Variants in LRP1B observed in about 807,000 individuals in gnomAD.
The protein encoded by LRP1B is LDL receptor related protein 1B.
In LRP1B, 217 loss-of-function variants were observed where a neutral mutation model predicts 556.6. The ratio of observed to expected loss-of-function variants is 0.39; its 90% CI spans 0.35 to 0.44. LRP1B has a LOEUF of 0.44. Ranked by LOEUF, LRP1B falls within the 20% of genes least tolerant of loss-of-function variation. The pLI is 1.00. For missense variants in LRP1B, 5,053 were observed against 5,620.8 expected, an observed-to-expected ratio of 0.90 and a Z score of 3.23; for synonymous variants, 2,047 against 1,865.8, an observed-to-expected ratio of 1.10 and a Z score of -2.50.
chr2:141,514,748 T>C (rs1284740552), intron 2 of LRP1B, among the ~76,000 whole-genome samples: 4 of 152,234 alleles, frequency 2.6e-5, no homozygotes, highest in Non-Finnish European at 5.9e-5. Context: ...AACACTTACG[T>C]TAGCCTACAG....
At chr2:142,068,149 A>G (rs1299039898) in intron 1 of LRP1B, among the ~76,000 whole-genome samples, 1 of 151,442 alleles carries the variant, frequency 6.6e-6, no homozygotes. Flanking sequence ...ATAAAACAGA[A>G]TCTCCAAAAT....
chr2:141,974,550 T>C (rs1412549692), intron 1 of LRP1B, among the ~76,000 whole-genome samples: 1 of 151,996 alleles, frequency 6.6e-6, no homozygotes, highest in Non-Finnish European at 1.5e-5. Flanking sequence ...GAGAAACTAG[T>C]TTGGGGCCTG....
At chr2:140,434,740 G>C (rs1378683708) in intron 66 of LRP1B, among the ~76,000 whole-genome samples, 1 of 152,032 alleles carries the variant, frequency 6.6e-6, no homozygotes, top group African/African-American at 2.4e-5. Context: ...ATACCCCTCT[G>C]TTTAGTATAC....
intron 1 of LRP1B, among the ~76,000 whole-genome samples, chr2:142,120,116 T>C (rs72851495): frequency 3.7e-3 from 6 of 1,630 alleles, no homozygotes; most frequent in African/African-American, 7.2e-3. Context: ...TACAGGTTTT[T>C]TTGTTTGTTT....
intron 55 of LRP1B, among the ~76,000 whole-genome samples, chr2:140,497,444 T>C (rs1260204127): frequency 1.3e-5 from 2 of 151,906 alleles, no homozygotes; most frequent in East Asian, 1.9e-4. Flanking sequence ...CCATTAACTG[T>C]ACACATAAAA....
At chr2:141,104,787 A>G (rs1351734025) in intron 7 of LRP1B, among the ~76,000 whole-genome samples, 1 of 151,968 alleles carries the variant, frequency 6.6e-6, no homozygotes, top group East Asian at 1.9e-4. Context: ...CAGATTTGAT[A>G]TATTCTCCCC....
intron 1 of LRP1B, among the ~76,000 whole-genome samples, chr2:142,045,661 G>T (rs566925909): frequency 6.6e-6 from 1 of 151,486 alleles, no homozygotes; most frequent in Non-Finnish European, 1.5e-5. Flanking sequence ...ATATTTAATC[G>T]GTCATGCGTA....
intron 35 of LRP1B, among the ~76,000 whole-genome samples, chr2:140,750,426 C>A (rs891643732): frequency 5.0e-5 from 7 of 139,286 alleles, no homozygotes; most frequent in East Asian, 2.2e-4. Flanking sequence ...ATAATGATTT[C>A]TTTTTATATT....
intron 1 of LRP1B, among the ~76,000 whole-genome samples, chr2:141,860,015 CAG>C (rs1173913948): frequency 6.6e-6 from 1 of 152,072 alleles, no homozygotes; most frequent in African/African-American, 2.4e-5. Flanking sequence ...AAAAAACAAA[CAG>C]AAAATGTTAT....
At chr2:140,495,320 T>A (rs1232483481) in intron 56 of LRP1B, among the ~76,000 whole-genome samples, 1 of 151,834 alleles carries the variant, frequency 6.6e-6, no homozygotes, top group Non-Finnish European at 1.5e-5. Flanking sequence ...GTTCTTTTTT[T>A]TTTTTTTTTT....
chr2:140,386,334 G>A (rs926107117), intron 66 of LRP1B, among the ~76,000 whole-genome samples: 13 of 152,300 alleles, frequency 8.5e-5, no homozygotes, highest in Admixed American at 6.5e-4. Context: ...AGCACTTCGG[G>A]AGGTTGTCCT....
intron 2 of LRP1B, among the ~76,000 whole-genome samples, chr2:141,710,629 A>G (rs1416396123): frequency 6.6e-6 from 1 of 152,196 alleles, no homozygotes; most frequent in African/African-American, 2.4e-5. Context: ...TAGAGGAAGT[A>G]CTAATGATTT....
At chr2:141,559,712 T>C (rs1489725967) in intron 2 of LRP1B, among the ~76,000 whole-genome samples, 2 of 151,702 alleles carry the variant, frequency 1.3e-5, no homozygotes, top group Admixed American at 6.6e-5. Context: ...ACAGCTTTTA[T>C]TGATCATGAG....
Position 141,186,078 on chromosome 2 carries a change from C to CAAAAAAA in LRP1B, c.1013+2336_1013+2342dup, listed in dbSNP as rs386391364. On this transcript the variant is annotated intron_variant, in intron 7 of 90. Coordinates refer to ENST00000389484, the MANE Select transcript of LRP1B (RefSeq NM_018557.3). ...TGAGCGATAGAACGAGACTCTGTCT[C>CAAAAAAA]AAAAAAAAAAAAAAAAAAAAACCAG... Among the ~76,000 whole-genome samples, 55 of 77,578 alleles carry CAAAAAAA rather than the reference C, an allele frequency of 7.1e-4. 2 individuals are homozygous for CAAAAAAA. The highest frequency in any genetic ancestry group is 5.7e-3 in the Admixed American group (30 of 5,300). 50.9% of individuals were successfully genotyped at this position (77,578 alleles called of 152,430 possible).
At chr2:141,730,887 T>C (rs571058340) in intron 2 of LRP1B, among the ~76,000 whole-genome samples, 11 of 152,300 alleles carry the variant, frequency 7.2e-5, no homozygotes, top group African/African-American at 2.6e-4. Context: ...CACAGTTTCC[T>C]GTGTATAAAG....
intron 32 of LRP1B, among the ~76,000 whole-genome samples, chr2:140,788,922 A>G (rs1307304243): frequency 6.6e-6 from 1 of 152,216 alleles, no homozygotes; most frequent in Non-Finnish European, 1.5e-5. Context: ...GTACACACAG[A>G]AAAGACTGTG....
intron 18 of LRP1B, among the ~76,000 whole-genome samples, chr2:140,964,740 G>C (rs1464684740): frequency 6.6e-6 from 1 of 152,030 alleles, no homozygotes; most frequent in Non-Finnish European, 1.5e-5. Context: ...TCATATCTAA[G>C]ATCTATATCT....
At chr2:140,751,933 G>A (rs150771426) in intron 35 of LRP1B, among the ~76,000 whole-genome samples, 2 of 152,084 alleles carry the variant, frequency 1.3e-5, no homozygotes, top group Non-Finnish European at 2.9e-5. Context: ...ATATATATAC[G>A]CAGTACAATA....
At chr2:140,701,901 C>T (rs2105427038) in intron 39 of LRP1B, 56 bp from the exon 40 acceptor site, 1 of 1,604,886 alleles carries the variant, frequency 6.2e-7, no homozygotes, top group South Asian at 1.1e-5. Flanking sequence ...AAAGTCAAGC[C>T]AGTTACTTAA....
Sources: gnomAD v4.1 joint callset for allele counts (sites outside exome capture counted in the v4.1 genomes callset) on GRCh38, gnomAD v4.1.1 for gene constraint, MANE v1.5 for transcripts, NCBI Gene and HGNC (gene_info 2026-07-23, HGNC 2026-07-21) for gene names.